ACSL4: variants seen among roughly 807,000 people sequenced by gnomAD.
ACSL4 encodes long-chain-fatty-acid--CoA ligase 4.
In ACSL4, 9 loss-of-function variants were observed where a neutral mutation model predicts 49.1. The observed-to-expected ratio is 0.18, with a 90% CI of 0.11 to 0.32. The LOEUF is 0.32. Among genes scored for constraint, ACSL4 ranks in the 10% least tolerant of loss-of-function variants. The pLI is 1.00. For missense variants in ACSL4, 333 were observed against 493.7 expected, an observed-to-expected ratio of 0.67 and a Z score of 3.08; for synonymous variants, 191 against 170.3, an observed-to-expected ratio of 1.12 and a Z score of -0.95.
chrX:109,706,781 A>G (rs1440262745), intron 1 of ACSL4, among the ~76,000 whole-genome samples: 1 of 112,552 alleles, frequency 8.9e-6, no homozygotes, highest in Non-Finnish European at 1.9e-5. Flanking sequence ...GTGTTGATAC[A>G]TGGATGAATC....
intron 2 of ACSL4, chrX:109,683,713 A>G (rs1005312205): frequency 1.5e-5 from 5 of 337,564 alleles, no homozygotes; most frequent in Non-Finnish European, 2.6e-5. Flanking sequence ...AAAAATAAAA[A>G]CAAAAAACAA....
chrX:109,699,871 C>A (rs1049110491), intron 1 of ACSL4, among the ~76,000 whole-genome samples: 2 of 111,267 alleles, frequency 1.8e-5, no homozygotes, highest in African/African-American at 6.5e-5. Flanking sequence ...GCCAGTCAAA[C>A]TACTGGAAGG....
intron 1 of ACSL4, among the ~76,000 whole-genome samples, chrX:109,705,625 T>C (rs1386752340): frequency 2.7e-5 from 3 of 112,577 alleles, no homozygotes. Context: ...CCTTCATATT[T>C]AGTGACAAAT....
chrX:109,648,021 G>T (rs1386521083), intron 15 of ACSL4, among the ~76,000 whole-genome samples: 2 of 111,577 alleles, frequency 1.8e-5, no homozygotes, highest in East Asian at 5.6e-4. Context: ...CTGAAATTGA[G>T]GCAGTAATTA....
At chrX:109,722,686 T>C (rs1254767216) in intron 1 of ACSL4, among the ~76,000 whole-genome samples, 1 of 110,934 alleles carries the variant, frequency 9.0e-6, no homozygotes, top group African/African-American at 3.3e-5. Context: ...TTGGTGACCA[T>C]GACTTTTTTT....
intron 15 of ACSL4, among the ~76,000 whole-genome samples, chrX:109,656,436 T>C (rs1921650019): frequency 9.0e-6 from 1 of 110,877 alleles, no homozygotes; most frequent in Non-Finnish European, 1.9e-5. Context: ...GTACTATCTA[T>C]TGGAAAAGAA....
intron 1 of ACSL4, among the ~76,000 whole-genome samples, chrX:109,712,457 C>T (rs1213681725): frequency 8.9e-6 from 1 of 111,875 alleles, no homozygotes; most frequent in African/African-American, 3.3e-5. Flanking sequence ...GTAAGAACCA[C>T]GACTTCATAA....
At chrX:109,731,824 A>G (rs1034032578) in intron 1 of ACSL4, among the ~76,000 whole-genome samples, 1 of 112,399 alleles carries the variant, frequency 8.9e-6, no homozygotes, top group Admixed American at 9.4e-5. Flanking sequence ...GAGCTATTTT[A>G]CAATTTAAGG....
rs1376348508 is a variant in ACSL4 at position 109,723,678 on chromosome X, G to C, written c.-66+9461C>G. 2.7e-5 allele frequency among the ~76,000 whole-genome samples: 3 copies of C among 112,204 alleles called. No individual in the cohort carries two copies. In the East Asian group the frequency reaches 8.3e-4, roughly 31 times the overall value. ...TGCCAAATTTTCACAGTTACAAACA[G>C]TTTCACTGCAGCGAAACCTTATACA... On this transcript the variant is annotated intron_variant, in intron 1 of 15. Transcript: ENST00000672401.
intron 4 of ACSL4, 36 bp downstream of exon 4, chrX:109,682,683 C>A: frequency 1.7e-6 from 2 of 1,203,078 alleles, no homozygotes; most frequent in African/African-American, 1.7e-5. Flanking sequence ...AAGCAAAGAC[C>A]CTCCTCTCCC....
rs139914960 is a variant in ACSL4, at chrX:109,673,069, G to A, written c.1002+1333C>T. On this transcript the variant is annotated intron_variant, in intron 9 of 15. Coordinates refer to ENST00000672401, the MANE Select transcript of ACSL4 (RefSeq NM_001318510.2). ...TAAAGCAGGGAAGAATGGACAATGG[G>A]CAATTAGAGGATAAGGAGCCTATGT... 6.4e-3 allele frequency among the ~76,000 whole-genome samples: 711 copies of A among 111,857 alleles called. 4 individuals are homozygous for A. Among genetic ancestry groups the A allele is most frequent in the Admixed American group, 0.013 (134 of 10,580 alleles).
At chrX:109,651,680 C>T (rs917091208) in intron 15 of ACSL4, among the ~76,000 whole-genome samples, 2 of 111,571 alleles carry the variant, frequency 1.8e-5, no homozygotes, top group African/African-American at 6.5e-5. Context: ...GATTTGGCCC[C>T]CCAATTTTTT....
intron 9 of ACSL4, among the ~76,000 whole-genome samples, chrX:109,671,068 G>T: frequency 8.9e-6 from 1 of 111,865 alleles, no homozygotes; most frequent in East Asian, 2.9e-4. Context: ...AGTGAGGAGC[G>T]TCTCTGCCTG....
Position 109,669,233 on chromosome X carries a change from G to C in ACSL4, c.1003-60C>G, listed in dbSNP as rs1922952559. The C allele has an allele frequency of 6.5e-6, 6 of 925,836 alleles. No homozygotes were observed. The South Asian group carries it at 1.3e-4, about 20-fold the overall frequency. The allele number at this position is 925,836 out of a possible 1,213,427, so 76.3% of individuals were successfully genotyped here. A position where few individuals can be genotyped will look rare whatever the true frequency, so the allele number is the denominator to read the frequency against. On this transcript the variant is annotated intron_variant, in intron 9 of 15. Coordinates refer to ENST00000672401, the MANE Select transcript of ACSL4 (RefSeq NM_001318510.2). Reference sequence around the variant, plus strand: ...GGAATGGAGACAGTCTTTAGTTGAAGATACCTTACTTGCAACATCTTGGGT... The same window carrying C: ...GGAATGGAGACAGTCTTTAGTTGAACATACCTTACTTGCAACATCTTGGGT...
chrX:109,657,172 C>T (rs1192827148), intron 15 of ACSL4, among the ~76,000 whole-genome samples: 1 of 111,767 alleles, frequency 8.9e-6, no homozygotes, highest in African/African-American at 3.3e-5. Flanking sequence ...TACACACAAC[C>T]GCCTGCTGGA....
At chrX:109,711,521 G>A (rs971931470) in intron 1 of ACSL4, among the ~76,000 whole-genome samples, 1 of 112,140 alleles carries the variant, frequency 8.9e-6, no homozygotes, top group East Asian at 2.8e-4. Flanking sequence ...TTAGTTACAG[G>A]TACTGTCATG....
At chrX:109,684,939 G>A (rs371499524) in intron 2 of ACSL4, among the ~76,000 whole-genome samples, 1 of 111,025 alleles carries the variant, frequency 9.0e-6, no homozygotes, top group Non-Finnish European at 1.9e-5. Context: ...GACTAAATAC[G>A]CTACGGTAGT....
At chrX:109,647,772 G>A (rs1282980045) in intron 15 of ACSL4, among the ~76,000 whole-genome samples, 15 of 110,587 alleles carry the variant, frequency 1.4e-4, no homozygotes, top group African/African-American at 2.6e-4. Context: ...TTGATAGACC[G>A]CTAGCAAGAC....
chrX:109,685,048 C>T (rs1924478307), intron 2 of ACSL4, among the ~76,000 whole-genome samples: 1 of 109,003 alleles, frequency 9.2e-6, no homozygotes, highest in Non-Finnish European at 1.9e-5. Flanking sequence ...GGAAAGAAAC[C>T]GCAGAAACAG....
Sources: gnomAD v4.1 joint callset for allele counts (sites outside exome capture counted in the v4.1 genomes callset) on GRCh38, gnomAD v4.1.1 for gene constraint, MANE v1.5 for transcripts, NCBI Gene and HGNC (gene_info 2026-07-23, HGNC 2026-07-21) for gene names.